CALCRL: variants seen among roughly 807,000 people sequenced by gnomAD.
CALCRL encodes calcitonin gene-related peptide type 1 receptor.
Under a neutral mutation model 60.4 loss-of-function variants are expected in CALCRL, and 27 were observed. The observed-to-expected ratio is 0.45, with a 90% CI of 0.33 to 0.62. The LOEUF is 0.62. Among genes scored for constraint, CALCRL ranks in the 20% least tolerant of loss-of-function variants. The pLI, the probability that CALCRL is intolerant of heterozygous loss-of-function variation, is 0.03. For synonymous variants in CALCRL, 190 were observed against 182.6 expected (o/e 1.04, Z -0.33); for missense variants, 424 against 540.7 (o/e 0.78, Z 2.14).
At chr2:187,410,004 C>G (rs1370318833) in intron 1 of CALCRL, among the ~76,000 whole-genome samples, 1 of 152,144 alleles carries the variant, frequency 6.6e-6, no homozygotes, top group Non-Finnish European at 1.5e-5. Context: ...AAGACTCTGG[C>G]CTTTGTCTTA....
In CALCRL at chr2:187,343,308, A is replaced by C. The variant is rs1432782875; in HGVS notation, c.*2876T>G. The C allele has an allele frequency of 6.6e-6, 1 of 151,996 alleles. No homozygotes were observed. Among genetic ancestry groups the C allele is most frequent in the African/African-American group, 2.4e-5 (1 of 41,538 alleles). 9.4% of individuals were successfully genotyped at this position (151,996 alleles called of 1,614,324 possible). On this transcript the variant is annotated 3_prime_UTR_variant, in exon 15 of 15. Coordinates refer to ENST00000392370, the MANE Select transcript of CALCRL (RefSeq NM_005795.6). ...CAGTGAAAATAAACTTTAACTCATAACTTTAATATTTTCATACAATCAAAA... is the reference window on the plus strand; with the variant it reads ...CAGTGAAAATAAACTTTAACTCATACCTTTAATATTTTCATACAATCAAAA...
intron 1 of CALCRL, among the ~76,000 whole-genome samples, chr2:187,417,076 A>G (rs1689646639): frequency 1.3e-5 from 2 of 152,104 alleles, no homozygotes; most frequent in Non-Finnish European, 2.9e-5. Context: ...AAGCTCTCTT[A>G]CTGGAATAAG....
In CALCRL at chr2:187,443,192, G is replaced by T. The variant is rs1201109521; in HGVS notation, c.-293+4847C>A. Among the ~76,000 whole-genome samples the T allele has an allele frequency of 2.6e-5, 4 of 151,706 alleles. No homozygotes were observed. The South Asian group carries it at 6.2e-4, about 24-fold the overall frequency. ...ACAACTGTAATTATAAATCACACTTGTTCACTCTTCCTGTCTTACAGATAG... is the reference window on the plus strand; with the variant it reads ...ACAACTGTAATTATAAATCACACTTTTTCACTCTTCCTGTCTTACAGATAG... On this transcript the variant is annotated intron_variant, in intron 1 of 14. Coordinates refer to ENST00000392370, the MANE Select transcript of CALCRL (RefSeq NM_005795.6).
At chr2:187,387,798 G>T in intron 1 of CALCRL, 42 bp from the exon 2 acceptor site, 1 of 391,718 alleles carries the variant, frequency 2.6e-6, no homozygotes, top group South Asian at 1.3e-4. Flanking sequence ...TTATGCTAAT[G>T]ACCAAAATTA....
chr2:187,357,207 T>C (rs1449789842), intron 12 of CALCRL, among the ~76,000 whole-genome samples: 3 of 152,074 alleles, frequency 2.0e-5, no homozygotes, highest in Non-Finnish European at 4.4e-5. Context: ...TGTACACGTA[T>C]GTTTTCTTGC....
chr2:187,421,218 C>T lies in CALCRL; in HGVS notation c.-293+26821G>A, dbSNP rs373542810. Among the ~76,000 whole-genome samples, 395 of 152,292 alleles carry T rather than the reference C, an allele frequency of 2.6e-3. 5 individuals carry two copies. The highest frequency in any genetic ancestry group is 9.1e-3 in the African/African-American group (379 of 41,558). ...AATCCTATAGTTCATGCACTATTTT[C>T]AAACACTTTGAAACTTACTGTTGGT... is the stretch of plus-strand genomic sequence containing the variant. On this transcript the variant is annotated intron_variant, in intron 1 of 14. Transcript: ENST00000392370.
intron 8 of CALCRL, among the ~76,000 whole-genome samples, chr2:187,369,561 G>T (rs896375733): frequency 6.6e-6 from 1 of 152,116 alleles, no homozygotes; most frequent in Non-Finnish European, 1.5e-5. Context: ...GAAGCAATAA[G>T]GCTTCTGACT....
intron 10 of CALCRL, among the ~76,000 whole-genome samples, chr2:187,359,826 A>G (rs1368408315): frequency 6.6e-6 from 1 of 152,056 alleles, no homozygotes; most frequent in African/African-American, 2.4e-5. Context: ...TTATAAAGTT[A>G]ATCAGAATAC....
rs115117499 is a variant in CALCRL at position 187,433,170 on chromosome 2, T to G, written c.-293+14869A>C. On this transcript the variant is annotated intron_variant, in intron 1 of 14. Transcript: ENST00000392370. Reference sequence around the variant, plus strand: ...GCCTTTATTGGCATACATATGAAATTTACCAGGTTCAAAGTTGAAGTTTAT... The same window carrying G: ...GCCTTTATTGGCATACATATGAAATGTACCAGGTTCAAAGTTGAAGTTTAT... Among the ~76,000 whole-genome samples the G allele has an allele frequency of 5.1e-3, 772 of 152,198 alleles. 5 individuals carry two copies. Among genetic ancestry groups the G allele is most frequent in the Non-Finnish European group, 7.1e-3 (484 of 67,960 alleles).
intron 14 of CALCRL, among the ~76,000 whole-genome samples, chr2:187,347,560 A>T (rs1294526560): frequency 6.6e-6 from 1 of 151,844 alleles, no homozygotes; most frequent in Non-Finnish European, 1.5e-5. Flanking sequence ...CCATGTATAC[A>T]AATCAATATT....
intron 1 of CALCRL, among the ~76,000 whole-genome samples, chr2:187,440,699 A>G (rs1343470116): frequency 6.6e-6 from 1 of 152,142 alleles, no homozygotes; most frequent in Non-Finnish European, 1.5e-5. Flanking sequence ...ACTCAAATAT[A>G]AAGTCTTTGT....
At chr2:187,430,884 T>A (rs3771066) in intron 1 of CALCRL, among the ~76,000 whole-genome samples, 13,962 of 152,068 alleles carry the variant, frequency 0.092, 772 homozygotes, top group East Asian at 0.19. Context: ...TAATTTTTTG[T>A]ATATATCCAT....
At chr2:187,355,764 C>CA (rs1257582088) in intron 12 of CALCRL, among the ~76,000 whole-genome samples, 1 of 151,936 alleles carries the variant, frequency 6.6e-6, no homozygotes, top group Non-Finnish European at 1.5e-5. Flanking sequence ...TCGACTCAGC[C>CA]AAAAAACTCC....
chr2:187,426,506 G>A (rs1013058504), intron 1 of CALCRL, among the ~76,000 whole-genome samples: 1 of 152,002 alleles, frequency 6.6e-6, no homozygotes, highest in East Asian at 1.9e-4. Flanking sequence ...ACGTCTGGAA[G>A]GCTTACTAAG....
intron 1 of CALCRL, among the ~76,000 whole-genome samples, chr2:187,401,686 A>G (rs545064947): frequency 2.6e-5 from 4 of 151,738 alleles, no homozygotes; most frequent in Admixed American, 1.3e-4. Context: ...TTAATTTCTT[A>G]TAGGAGTGGA....
chr2:187,438,718 TA>T (rs1037436737), intron 1 of CALCRL, among the ~76,000 whole-genome samples: 1 of 152,158 alleles, frequency 6.6e-6, no homozygotes, highest in African/African-American at 2.4e-5. Context: ...CATTTTATGT[TA>T]AAATACTGAG....
intron 12 of CALCRL, among the ~76,000 whole-genome samples, chr2:187,355,981 C>A (rs1686761916): frequency 1.3e-5 from 2 of 152,120 alleles, no homozygotes; most frequent in Admixed American, 6.6e-5. Context: ...CTACAAACCA[C>A]TGCTCAAGGA....
At chr2:187,427,589 T>G (rs895586366) in intron 1 of CALCRL, among the ~76,000 whole-genome samples, 1 of 152,190 alleles carries the variant, frequency 6.6e-6, no homozygotes, top group African/African-American at 2.4e-5. Context: ...AAATAATTGC[T>G]ATTACATTGG....
chr2:187,407,760 C>CATAT (rs369028273), intron 1 of CALCRL, among the ~76,000 whole-genome samples: 1 of 151,996 alleles, frequency 6.6e-6, no homozygotes, highest in South Asian at 2.1e-4. Context: ...ATTTAGGTAA[C>CATAT]ATATTGCATT....
Sources: allele counts gnomAD v4.1 joint callset (sites outside exome capture counted in the v4.1 genomes callset), GRCh38; gene constraint gnomAD v4.1.1; transcripts MANE v1.5; gene names NCBI Gene and HGNC (gene_info 2026-07-23, HGNC 2026-07-21).